Variants in GPR137C observed in about 807,000 individuals in gnomAD.
The protein encoded by GPR137C is G protein-coupled receptor 137C, also known as integral membrane protein GPR137C.
In GPR137C, 27 loss-of-function variants were observed where a neutral mutation model predicts 43.4. The observed-to-expected ratio is 0.62, with a 90% CI of 0.46 to 0.86. GPR137C has a LOEUF of 0.86. GPR137C is among the 40% of genes least tolerant of loss of function. The probability of loss-of-function intolerance (pLI) is 0.00; values close to 1 mark genes in which losing one functional copy is unlikely to be tolerated. For missense variants in GPR137C, 522 were observed against 534.6 expected (o/e 0.98, Z 0.23); for synonymous variants, 285 against 226.9 (o/e 1.26, Z -2.30).
At chr14:52,576,931 T>A (rs1478652344) in intron 1 of GPR137C, among the ~76,000 whole-genome samples, 1 of 152,150 alleles carries the variant, frequency 6.6e-6, no homozygotes, top group African/African-American at 2.4e-5. Flanking sequence ...GGCTCACACC[T>A]GTAATCCCAG....
intron 1 of GPR137C, among the ~76,000 whole-genome samples, chr14:52,587,084 C>T (rs2038722768): frequency 6.6e-6 from 1 of 152,180 alleles, no homozygotes; most frequent in Non-Finnish European, 1.5e-5. Context: ...CTGTTTCCCA[C>T]ACTATCCCAC....
chr14:52,592,392 A>G (rs904764488), intron 1 of GPR137C, among the ~76,000 whole-genome samples: 1 of 152,092 alleles, frequency 6.6e-6, no homozygotes, highest in Non-Finnish European at 1.5e-5. Context: ...CTTGATGGGG[A>G]TAGCAATGAA....
At chr14:52,608,470 T>C (rs1368263903) in intron 3 of GPR137C, among the ~76,000 whole-genome samples, 1 of 152,242 alleles carries the variant, frequency 6.6e-6, no homozygotes, top group Non-Finnish European at 1.5e-5. Context: ...CTTGGTAAAT[T>C]GTAGTCATTA....
intron 1 of GPR137C, among the ~76,000 whole-genome samples, chr14:52,590,575 A>G (rs944841483): frequency 1.3e-5 from 2 of 152,212 alleles, no homozygotes; most frequent in Non-Finnish European, 2.9e-5. Context: ...TAAGTGCCCT[A>G]TACAAGTGCA....
rs80189476 is a variant in GPR137C at position 52,562,017 on chromosome 14, T to G, written c.444+8426T>G. Among the ~76,000 whole-genome samples the G allele has an allele frequency of 4.8e-3, 734 of 152,300 alleles. 14 individuals carry two copies. The highest frequency in any genetic ancestry group is 0.039 in the Admixed American group (596 of 15,292). ...TTTAAAAATTTCAGGGCTTTGCAAT[T>G]TACTCCAAGAATAAAAGCTGAAGCA... On this transcript the variant is annotated intron_variant, in intron 1 of 6. Coordinates refer to ENST00000321662, the MANE Select transcript of GPR137C (RefSeq NM_001099652.2).
intron 1 of GPR137C, among the ~76,000 whole-genome samples, chr14:52,556,946 A>G (rs1369831898): frequency 6.6e-6 from 1 of 152,174 alleles, no homozygotes; most frequent in East Asian, 1.9e-4. Flanking sequence ...ACTTAATTAC[A>G]ATGCCAAAAC....
At chr14:52,581,299 C>T (rs2038643432) in intron 1 of GPR137C, among the ~76,000 whole-genome samples, 1 of 150,658 alleles carries the variant, frequency 6.6e-6, no homozygotes, top group Admixed American at 6.6e-5. Flanking sequence ...ACTGGGAGGC[C>T]GAGGCAGGCA....
intron 1 of GPR137C, among the ~76,000 whole-genome samples, chr14:52,584,290 T>G (rs1427876497): frequency 6.6e-6 from 1 of 152,226 alleles, no homozygotes; most frequent in Non-Finnish European, 1.5e-5. Context: ...TGTGCTAAGC[T>G]GGATCATGGG....
At chr14:52,589,467 C>A (rs1490583217) in intron 1 of GPR137C, among the ~76,000 whole-genome samples, 2 of 152,104 alleles carry the variant, frequency 1.3e-5, no homozygotes. Flanking sequence ...GAACAGTTAT[C>A]ATCTGAAGAG....
chr14:52,580,121 A>C (rs765926747), intron 1 of GPR137C, among the ~76,000 whole-genome samples: 1 of 152,102 alleles, frequency 6.6e-6, no homozygotes, highest in Non-Finnish European at 1.5e-5. Flanking sequence ...CTAGCTTCCA[A>C]CATTCATTAT....
chr14:52,628,292 C>T (rs756979572), intron 3 of GPR137C, among the ~76,000 whole-genome samples: 2 of 151,988 alleles, frequency 1.3e-5, no homozygotes, highest in African/African-American at 2.4e-5. Context: ...TGAAGCAACT[C>T]GATATCCATA....
At chr14:52,616,256 G>A (rs942288092) in intron 3 of GPR137C, among the ~76,000 whole-genome samples, 2 of 151,978 alleles carry the variant, frequency 1.3e-5, no homozygotes, top group Admixed American at 1.3e-4. Flanking sequence ...GGGAAAAAAA[G>A]CCTAAAATTC....
intron 1 of GPR137C, among the ~76,000 whole-genome samples, chr14:52,568,294 G>A (rs1386112349): frequency 5.3e-5 from 8 of 152,058 alleles, no homozygotes; most frequent in Admixed American, 2.6e-4. Context: ...CTTTTTCCAC[G>A]GTCTTCCCAA....
At chr14:52,568,197 A>G (rs2038402972) in intron 1 of GPR137C, among the ~76,000 whole-genome samples, 5 of 152,144 alleles carry the variant, frequency 3.3e-5, no homozygotes, top group Admixed American at 3.3e-4. Flanking sequence ...GGGAAGCCCA[A>G]GGGGTCAGGG....
chr14:52,592,841 G>T (rs1317238988), intron 1 of GPR137C, among the ~76,000 whole-genome samples: 1 of 152,224 alleles, frequency 6.6e-6, no homozygotes, highest in East Asian at 1.9e-4. Flanking sequence ...TTGCCTGATT[G>T]CCCTGGCCAG....
chr14:52,577,338 G>C (rs1331498084), intron 1 of GPR137C, among the ~76,000 whole-genome samples: 1 of 151,654 alleles, frequency 6.6e-6, no homozygotes, highest in East Asian at 1.9e-4. Flanking sequence ...TACAGCAAAA[G>C]CAGGCTGAAA....
At chr14:52,619,297 T>C (rs1017962772) in intron 3 of GPR137C, among the ~76,000 whole-genome samples, 3 of 152,184 alleles carry the variant, frequency 2.0e-5, no homozygotes, top group East Asian at 1.9e-4. Context: ...TCCAGCACCT[T>C]GAAATACCAC....
chr14:52,559,518 ATTAACT>A (rs1251580497), intron 1 of GPR137C, among the ~76,000 whole-genome samples: 14 of 152,234 alleles, frequency 9.2e-5, no homozygotes, highest in Non-Finnish European at 8.8e-5. Flanking sequence ...ATTTTTTAAA[ATTAACT>A]TTTAGTAAAT....
chr14:52,595,438 A>C (rs530968845), intron 1 of GPR137C, among the ~76,000 whole-genome samples: 1 of 152,166 alleles, frequency 6.6e-6, no homozygotes. Context: ...CATTCTCCCC[A>C]TCACTTTCAG....
Sources: gnomAD v4.1 joint callset for allele counts (sites outside exome capture counted in the v4.1 genomes callset) on GRCh38, gnomAD v4.1.1 for gene constraint, MANE v1.5 for transcripts, NCBI Gene and HGNC (gene_info 2026-07-23, HGNC 2026-07-21) for gene names.